The following KCNH1 variants were observed in gnomAD, a reference collection of about 807,000 sequenced individuals.
KCNH1 encodes the protein potassium voltage-gated channel subfamily H member 1, also known as voltage-gated delayed rectifier potassium channel KCNH1.
A neutral mutation model predicts 69.2 loss-of-function variants in KCNH1; 27 were observed. The ratio of observed to expected loss-of-function variants is 0.39; its 90% confidence interval spans 0.29 to 0.54. The LOEUF (loss-of-function observed/expected upper bound fraction) is 0.54, where lower values mean the gene tolerates loss of function less well. KCNH1 is among the 20% of genes least tolerant of loss of function. The probability of loss-of-function intolerance (pLI) is 0.68; values close to 1 mark genes in which losing one functional copy is unlikely to be tolerated. For synonymous variants in KCNH1, 456 were observed against 487.7 expected (o/e 0.93, Z 0.86); for missense variants, 798 against 1,261.6 (o/e 0.63, Z 5.57).
At chr1:210,968,812 G>A (rs1223014923) in intron 6 of KCNH1, among the ~76,000 whole-genome samples, 1 of 151,976 alleles carries the variant, frequency 6.6e-6, no homozygotes, top group African/African-American at 2.4e-5. Flanking sequence ...CTCCCATTTT[G>A]TAGGTTGCCT....
chr1:211,100,141 G>T (rs755377491), intron 3 of KCNH1, among the ~76,000 whole-genome samples: 1 of 151,886 alleles, frequency 6.6e-6, no homozygotes, highest in East Asian at 1.9e-4. Context: ...GATTACGGGC[G>T]TGAGCCACTA....
At chr1:211,125,225 A>G (rs1050345078) in intron 1 of KCNH1, among the ~76,000 whole-genome samples, 24 of 152,218 alleles carry the variant, frequency 1.6e-4, no homozygotes, top group African/African-American at 5.5e-4. Context: ...GCCAAAAGCC[A>G]GAAAGCAAGG....
chr1:210,961,064 G>A (rs1688283377), intron 6 of KCNH1, among the ~76,000 whole-genome samples: 1 of 152,042 alleles, frequency 6.6e-6, no homozygotes, highest in African/African-American at 2.4e-5. Context: ...TGCCTTGTTT[G>A]CTAATTTTAT....
intron 6 of KCNH1, among the ~76,000 whole-genome samples, chr1:210,922,423 C>G (rs1210268685): frequency 7.7e-6 from 1 of 129,342 alleles, no homozygotes; most frequent in South Asian, 2.6e-4. Flanking sequence ...AAAAAAAAAC[C>G]TGACAAGTTT....
At chr1:210,917,053 C>A (rs1172030293) in intron 7 of KCNH1, among the ~76,000 whole-genome samples, 2 of 151,638 alleles carry the variant, frequency 1.3e-5, no homozygotes, top group Admixed American at 1.3e-4. Flanking sequence ...GAGGCTAAGG[C>A]AGGAGAATCA....
intron 10 of KCNH1, among the ~76,000 whole-genome samples, chr1:210,726,502 C>T (rs1682594974): frequency 6.6e-6 from 1 of 152,172 alleles, no homozygotes; most frequent in African/African-American, 2.4e-5. Context: ...AGCTCAACTT[C>T]TTAGACTCAA....
intron 6 of KCNH1, among the ~76,000 whole-genome samples, chr1:210,926,264 AACAC>A (rs141650911): frequency 6.7e-6 from 1 of 148,834 alleles, no homozygotes; most frequent in East Asian, 2.0e-4. Context: ...ACTCCATCTA[AACAC>A]ACACACACAC....
intron 10 of KCNH1, among the ~76,000 whole-genome samples, chr1:210,746,234 G>A (rs780756349): frequency 6.6e-6 from 1 of 152,168 alleles, no homozygotes. Flanking sequence ...CAAGGCCCCA[G>A]ATGCACTTTA....
chr1:210,940,876 C>G (rs979378733), intron 6 of KCNH1, among the ~76,000 whole-genome samples: 2 of 152,226 alleles, frequency 1.3e-5, no homozygotes, highest in Non-Finnish European at 2.9e-5. Flanking sequence ...GGAAGCAATA[C>G]AATCCTGTTG....
chr1:210,806,825 AAAAAAAAAAAAATAT>A (rs1232466946), intron 7 of KCNH1, among the ~76,000 whole-genome samples: 1,468 of 59,992 alleles, frequency 0.024, 100 homozygotes, highest in Non-Finnish European at 0.035. Flanking sequence ...AAAAAAAAAA[AAAAAAAAAAAAATAT>A]ATATATATAT....
intron 10 of KCNH1, among the ~76,000 whole-genome samples, chr1:210,731,241 T>C (rs562047501): frequency 1.3e-5 from 2 of 152,350 alleles, no homozygotes; most frequent in South Asian, 4.1e-4. Flanking sequence ...CGTGTATCCA[T>C]GTCGCTTTAC....
In KCNH1 at chr1:211,107,302, A is replaced by T. The variant is rs750720664; in HGVS notation, c.155T>A (p.Leu52Gln). Residue 52 changes from leucine (L) to glutamine (Q), a missense_variant, in exon 2 of 11, where the codon CTG (leucine) becomes CAG (glutamine). Coordinates refer to ENST00000271751, the MANE Select transcript of KCNH1 (RefSeq NM_172362.3). ...CACTTCTGCCCTGTGATAGCCAGAC[A>T]GCTTGCAAAATCCATCATTGCTGTA... Reference protein sequence around the residue: ...IVYSNDGFCKLSGYHRAEVMQ... With the variant: ...IVYSNDGFCKQSGYHRAEVMQ... 2 of 1,613,994 alleles carry T rather than the reference A, an allele frequency of 1.2e-6. No homozygotes were observed. The highest frequency in any genetic ancestry group is 1.7e-6 in the Non-Finnish European group (2 of 1,179,922).
chr1:210,684,193 G>T, intron 10 of KCNH1, 55 bp from the exon 11 acceptor site: 1 of 1,471,038 alleles, frequency 6.8e-7, no homozygotes, highest in South Asian at 1.5e-5. Flanking sequence ...GCTGGCTGCA[G>T]CAGCCCAGCT....
At chr1:211,079,396 G>A (rs992132811) in intron 5 of KCNH1, among the ~76,000 whole-genome samples, 5 of 152,142 alleles carry the variant, frequency 3.3e-5, no homozygotes, top group Non-Finnish European at 7.3e-5. Flanking sequence ...CTACAAAGAG[G>A]AGCTGGTACC....
At chr1:210,800,652 G>T (rs1684409559) in intron 8 of KCNH1, among the ~76,000 whole-genome samples, 3 of 152,088 alleles carry the variant, frequency 2.0e-5, no homozygotes, top group Non-Finnish European at 1.5e-5. Context: ...GGGGTGTCTG[G>T]AACTCCTCTC....
chr1:211,060,352 G>A lies in KCNH1; in HGVS notation c.558+22428C>T, dbSNP rs553039568. Among the ~76,000 whole-genome samples, 3 of 117,604 alleles carry A rather than the reference G, an allele frequency of 2.6e-5. No individual in the cohort carries two copies. In the East Asian group the frequency reaches 8.3e-4, roughly 32 times the overall value. The allele number at this position is 117,604 out of a possible 152,430, so 77.2% of individuals were successfully genotyped here. A position where few individuals can be genotyped will look rare whatever the true frequency, so the allele number is the denominator to read the frequency against. ...GGAGGCGGAGCTTGCAGTGAGCCGA[G>A]ATCGCGCCACTGCACTCCAGCCTGG... On this transcript the variant is annotated intron_variant, in intron 5 of 10. Coordinates refer to ENST00000271751, the MANE Select transcript of KCNH1 (RefSeq NM_172362.3).
chr1:210,994,755 T>C (rs1688996575), intron 6 of KCNH1, among the ~76,000 whole-genome samples: 1 of 152,178 alleles, frequency 6.6e-6, no homozygotes, highest in Non-Finnish European at 1.5e-5. Context: ...TTCAATGTTA[T>C]ACCCCAGTAG....
chr1:210,761,678 A>C (rs1291844756), intron 10 of KCNH1, among the ~76,000 whole-genome samples: 2 of 152,234 alleles, frequency 1.3e-5, no homozygotes, highest in Non-Finnish European at 2.9e-5. Context: ...AAGGTGTTCA[A>C]ATCAACAAGA....
At chr1:210,706,775 C>A (rs1681923874) in intron 10 of KCNH1, among the ~76,000 whole-genome samples, 1 of 152,234 alleles carries the variant, frequency 6.6e-6, no homozygotes, top group African/African-American at 2.4e-5. Flanking sequence ...CTCATCACAT[C>A]ACCCCAGGTG....
Sources: allele counts gnomAD v4.1 joint callset (sites outside exome capture counted in the v4.1 genomes callset), GRCh38; gene constraint gnomAD v4.1.1; transcripts MANE v1.5; gene names NCBI Gene and HGNC (gene_info 2026-07-23, HGNC 2026-07-21).